Variants in TSPAN1 observed in about 807,000 individuals in gnomAD.
The protein encoded by TSPAN1 is tetraspanin-1.
TSPAN1 carries 23 observed loss-of-function variants against 26.9 expected under a neutral mutation model. The ratio of observed to expected loss-of-function variants is 0.85; its 90% CI spans 0.62 to 1.21. The LOEUF (loss-of-function observed/expected upper bound fraction) is 1.21, where lower values mean the gene tolerates loss of function less well. Among genes scored for constraint, TSPAN1 ranks in the 50% most tolerant of loss-of-function variants. The pLI, the probability that TSPAN1 is intolerant of heterozygous loss-of-function variation, is 0.00. For synonymous variants in TSPAN1, 115 were observed against 114.8 expected (o/e 1.00, Z -0.01); for missense variants, 283 against 298.4 (o/e 0.95, Z 0.38).
chr1:46,192,488 G>A, the TSPAN1 span: 107 of 1,613,954 alleles, frequency 6.6e-5, 1 homozygote, highest in Admixed American at 1.1e-3. Flanking sequence ...TCATAAACTC[G>A]CCTGCTAAAC....
chr1:46,196,027 G>C, the TSPAN1 span: 4 of 1,613,908 alleles, frequency 2.5e-6, no homozygotes. This position sits in a 1 kb window ranked among gnomAD's most constrained non-coding sequence, Gnocchi z 4.4. Flanking sequence ...CCTGGTTGAG[G>C]ACAATGACAT....
chr1:46,189,018 C>T, downstream of TSPAN1: 2 of 1,585,320 alleles, frequency 1.3e-6, no homozygotes, highest in Non-Finnish European at 1.7e-6. Context: ...GGATGAGCTG[C>T]TAGGGATCGT....
At chr1:46,176,065 T>TG (rs1485490167) in intron 1 of TSPAN1, among the ~76,000 whole-genome samples, 4 of 152,120 alleles carry the variant, frequency 2.6e-5, no homozygotes, top group Non-Finnish European at 5.9e-5. Flanking sequence ...TTAGTAGAGA[T>TG]GGGATTTCAC....
At chr1:46,194,889 C>A in the TSPAN1 span, 4 of 1,614,056 alleles carry the variant, frequency 2.5e-6, no homozygotes, top group African/African-American at 5.3e-5. Flanking sequence ...CAGCCCAGGG[C>A]AGGGCCAGCC....
At chr1:46,189,958 G>T, downstream of TSPAN1, 1 of 1,614,108 alleles carries the variant, frequency 6.2e-7, no homozygotes, top group Non-Finnish European at 8.5e-7. Context: ...TCTTCACAAG[G>T]GTTCTTGCTG....
the TSPAN1 span, chr1:46,194,010 T>C: frequency 6.3e-7 from 1 of 1,585,416 alleles, no homozygotes; most frequent in Admixed American, 1.8e-5. Context: ...CAGGTGAGGG[T>C]AGGTGCAGAC....
In TSPAN1 at chr1:46,184,942, C is replaced by T; in HGVS notation, c.439-18C>T. On this transcript the variant is annotated intron_variant, in intron 6 of 8. Coordinates refer to ENST00000372003, the MANE Select transcript of TSPAN1 (RefSeq NM_005727.4). ...AGAAAGAAGCAAGGCCCCACCTCCA[C>T]CCTCATCTTGTCTCCAGCTCAAGTG... The T allele has an allele frequency of 1.2e-6, 2 of 1,614,180 alleles. No homozygotes were observed. The highest frequency in any genetic ancestry group is 1.7e-6 in the Non-Finnish European group (2 of 1,180,026).
At chr1:46,182,002 T>C (rs934822473) in intron 3 of TSPAN1, among the ~76,000 whole-genome samples, 1 of 151,452 alleles carries the variant, frequency 6.6e-6, no homozygotes, top group African/African-American at 2.4e-5. Flanking sequence ...ACGGACAAAG[T>C]GGACAAAGGA....
In TSPAN1 at chr1:46,177,192, G is replaced by C. The variant is rs749674443; in HGVS notation, c.-142+1783G>C. The stretch of plus-strand genomic sequence containing the variant: ...TCTACTAAAAATACAAAAATTAGCT[G>C]GGTGTGGTGGTGGGTGCCTGTAGTC... On this transcript the variant is annotated intron_variant, in intron 1 of 8. Coordinates refer to ENST00000372003, the MANE Select transcript of TSPAN1 (RefSeq NM_005727.4). 2.8e-4 allele frequency among the ~76,000 whole-genome samples: 43 copies of C among 152,164 alleles called. 1 individual carries two copies. The Middle Eastern group carries it at 0.037, about 132-fold the overall frequency.
rs1657377523 is a variant in TSPAN1 at position 46,184,349 on chromosome 1, C to G, written c.216C>G (p.Phe72Leu). ...AAGVVVFALG[F>L]LGCYGAKTES... ...GCGTTGTGGTCTTTGCTCTTGGTTT[C>G]CTGGGCTGCTATGGTGCTAAGACTG... Residue 72 changes from phenylalanine (F) to leucine (L), a missense_variant, in exon 4 of 9, where the codon TTC becomes TTG. By Grantham distance (22) the Phe-to-Leu change is conservative. Transcript: ENST00000372003. 2 of 1,614,184 alleles carry G rather than the reference C, an allele frequency of 1.2e-6. No homozygotes were observed. Among genetic ancestry groups the G allele is most frequent in the Admixed American group, 1.7e-5 (1 of 60,022 alleles).
chr1:46,178,707 C>T (rs1026172605), intron 1 of TSPAN1, among the ~76,000 whole-genome samples: 11 of 152,184 alleles, frequency 7.2e-5, no homozygotes, highest in Non-Finnish European at 5.9e-5. Flanking sequence ...TTTAGAGATT[C>T]CATCAGTGTA....
the TSPAN1 span, chr1:46,193,513 CT>C: frequency 1.9e-6 from 3 of 1,614,048 alleles, no homozygotes; most frequent in Non-Finnish European, 2.5e-6. Context: ...CTGGCAATCA[CT>C]GCTGCTCCAT....
the TSPAN1 span, chr1:46,194,051 T>C: frequency 1.2e-5 from 19 of 1,552,686 alleles, no homozygotes; most frequent in Non-Finnish European, 1.6e-5. Context: ...TAGAGGATCT[T>C]CCCTGTTCTG....
chr1:46,190,862 A>G (rs1657711592), downstream of TSPAN1: 8 of 1,344,958 alleles, frequency 5.9e-6, 1 homozygote, highest in South Asian at 3.5e-5. Context: ...CCAGACATCT[A>G]TAAGACACAC....
chr1:46,175,946 C>T (rs1053195457), intron 1 of TSPAN1: 27 of 493,170 alleles, frequency 5.5e-5, no homozygotes, highest in Non-Finnish European at 8.3e-5. Context: ...GATCTTGGCT[C>T]ACTGCAACCT....
At chr1:46,189,026 C>A, downstream of TSPAN1, 1 of 1,575,130 alleles carries the variant, frequency 6.3e-7, no homozygotes. Flanking sequence ...TGCTAGGGAT[C>A]GTAATGATTC....
At chr1:46,185,399 T>G in intron 8 of TSPAN1, 87 bp from the exon 9 acceptor site, 1 of 1,607,396 alleles carries the variant, frequency 6.2e-7, no homozygotes, top group Non-Finnish European at 8.5e-7. Flanking sequence ...AACAGACTTC[T>G]AACTGGGCCT....
intron 3 of TSPAN1, 116 bp from the exon 4 acceptor site, chr1:46,184,075 G>T (rs1657369660): frequency 4.5e-6 from 5 of 1,120,806 alleles, no homozygotes; most frequent in Non-Finnish European, 5.3e-6. Context: ...TGAGGTTTTA[G>T]ACTCCCTAGC....
chr1:46,182,287 AATTT>A (rs749921572), intron 3 of TSPAN1, among the ~76,000 whole-genome samples: 152 of 149,160 alleles, frequency 1.0e-3, no homozygotes, highest in Non-Finnish European at 1.8e-3. Context: ...TGGGAAACCC[AATTT>A]ATTAGGGATA....
Sources: allele counts gnomAD v4.1 joint callset (sites outside exome capture counted in the v4.1 genomes callset), GRCh38; gene constraint gnomAD v4.1.1; non-coding constraint Gnocchi (gnomAD v3.1); transcripts MANE v1.5; gene names NCBI Gene and HGNC (gene_info 2026-07-23, HGNC 2026-07-21).